The following MALRD1 variants were observed in gnomAD, a reference collection of about 807,000 sequenced individuals.
MALRD1 encodes the protein MAM and LDL receptor class A domain containing 1.
A neutral mutation model predicts 242.1 loss-of-function variants in MALRD1; 247 were observed. The ratio of observed to expected loss-of-function variants is 1.02; its 90% confidence interval spans 0.92 to 1.13. MALRD1 has a LOEUF of 1.13. MALRD1 is among the 50% of genes most tolerant of loss of function. The probability of loss-of-function intolerance (pLI) is 0.00; values close to 1 mark genes in which losing one functional copy is unlikely to be tolerated. For synonymous variants in MALRD1, 995 were observed against 866.6 expected (o/e 1.15, Z -2.60); for missense variants, 2,989 against 2,533.1 (o/e 1.18, Z -3.86).
intron 34 of MALRD1, among the ~76,000 whole-genome samples, chr10:19,602,147 C>T (rs1195291883): frequency 1.6e-5 from 2 of 128,604 alleles, no homozygotes; most frequent in South Asian, 2.4e-4. Flanking sequence ...CTATCAGTGC[C>T]AATTTTCTTT....
At chr10:19,279,985 T>G in intron 19 of MALRD1, 62 bp from the exon 20 acceptor site, 1 of 1,303,172 alleles carries the variant, frequency 7.7e-7, no homozygotes, top group Non-Finnish European at 1.0e-6. Flanking sequence ...GTGTAAAATC[T>G]CTAAAGCAGT....
intron 29 of MALRD1, among the ~76,000 whole-genome samples, chr10:19,451,764 A>T (rs12355137): frequency 0.22 from 33,604 of 152,156 alleles, 4,442 homozygotes; most frequent in South Asian, 0.36. Context: ...GATTCTACTT[A>T]GAAATACATT....
At chr10:19,341,240 T>C (rs1843836127) in intron 24 of MALRD1, among the ~76,000 whole-genome samples, 1 of 151,750 alleles carries the variant, frequency 6.6e-6, no homozygotes, top group Non-Finnish European at 1.5e-5. Flanking sequence ...ATATAACTTA[T>C]TGAAGGTTTT....
chr10:19,729,116 A>G (rs1167909255), intron 38 of MALRD1, among the ~76,000 whole-genome samples: 1 of 152,200 alleles, frequency 6.6e-6, no homozygotes, highest in Non-Finnish European at 1.5e-5. Flanking sequence ...GCCAGTGGAG[A>G]TCAGGAAGCT....
intron 29 of MALRD1, chr10:19,488,834 A>G: frequency 2.9e-6 from 1 of 345,708 alleles, no homozygotes. Flanking sequence ...CCATGCAAAG[A>G]AGTCAAATGT....
At chr10:19,723,579 A>G (rs1485235513) in intron 38 of MALRD1, among the ~76,000 whole-genome samples, 1 of 152,002 alleles carries the variant, frequency 6.6e-6, no homozygotes, top group Non-Finnish European at 1.5e-5. Context: ...CATCTCTACA[A>G]AAAATTAAAA....
intron 29 of MALRD1, among the ~76,000 whole-genome samples, chr10:19,451,990 A>G (rs3852452): frequency 0.23 from 34,492 of 152,092 alleles, 4,216 homozygotes; most frequent in Middle Eastern, 0.33. Context: ...TTGCACATGT[A>G]TTTGTGTAAA....
At chr10:19,295,390 T>C (rs1341359239) in intron 21 of MALRD1, among the ~76,000 whole-genome samples, 1 of 151,948 alleles carries the variant, frequency 6.6e-6, no homozygotes, top group Non-Finnish European at 1.5e-5. Flanking sequence ...AGTATCCAAT[T>C]GTATATATAT....
At chr10:19,526,056 C>T (rs144690267) in intron 31 of MALRD1, among the ~76,000 whole-genome samples, 2 of 152,030 alleles carry the variant, frequency 1.3e-5, no homozygotes, top group South Asian at 4.1e-4. Flanking sequence ...GCAGTTCAGA[C>T]ATTTCAGCTT....
At chr10:19,485,575 G>A (rs952938918) in intron 29 of MALRD1, among the ~76,000 whole-genome samples, 11 of 151,498 alleles carry the variant, frequency 7.3e-5, no homozygotes, top group African/African-American at 1.5e-4. Context: ...CCAAGGAGGC[G>A]GACCTTGCAG....
intron 19 of MALRD1, among the ~76,000 whole-genome samples, chr10:19,264,503 G>A (rs1355719306): frequency 4.1e-5 from 6 of 146,704 alleles, no homozygotes; most frequent in Non-Finnish European, 8.9e-5. Flanking sequence ...GCCCAGGCTA[G>A]AGTGCAGTGG....
chr10:19,523,794 C>A (rs770124038), intron 31 of MALRD1, among the ~76,000 whole-genome samples: 1 of 151,542 alleles, frequency 6.6e-6, no homozygotes, highest in Non-Finnish European at 1.5e-5. Context: ...CAACCAGAAG[C>A]TTCATTTTTG....
chr10:19,556,471 A>C (rs73595841), intron 32 of MALRD1, among the ~76,000 whole-genome samples: 313 of 152,006 alleles, frequency 2.1e-3, no homozygotes, highest in African/African-American at 7.3e-3. Context: ...TACTGTCTCC[A>C]TAGTTTTACC....
intron 32 of MALRD1, among the ~76,000 whole-genome samples, chr10:19,558,206 C>G (rs1174627873): frequency 6.6e-6 from 1 of 151,936 alleles, no homozygotes; most frequent in Non-Finnish European, 1.5e-5. Context: ...AGTTTTATTT[C>G]TTTCTCAATT....
At chr10:19,711,384 A>G (rs1834106117) in intron 38 of MALRD1, 1 of 152,202 alleles carries the variant, frequency 6.6e-6, no homozygotes, top group Non-Finnish European at 1.5e-5. Flanking sequence ...TTTGCTAGTC[A>G]CTGTGTTAGG....
intron 18 of MALRD1, among the ~76,000 whole-genome samples, chr10:19,226,539 T>A (rs930860472): frequency 2.6e-5 from 4 of 152,142 alleles, no homozygotes; most frequent in Admixed American, 1.3e-4. Context: ...ATAATTCTCC[T>A]GATATTGATC....
intron 36 of MALRD1, among the ~76,000 whole-genome samples, chr10:19,664,363 C>T (rs1841578980): frequency 6.6e-6 from 1 of 151,980 alleles, no homozygotes; most frequent in Non-Finnish European, 1.5e-5. Context: ...ATCTAATCAT[C>T]AGAATAATCA....
At chr10:19,077,334 C>A (rs550149904) in intron 2 of MALRD1, among the ~76,000 whole-genome samples, 1 of 151,952 alleles carries the variant, frequency 6.6e-6, no homozygotes, top group Admixed American at 6.6e-5. Context: ...TGTCACAAAC[C>A]AGTGTGTTTA....
intron 26 of MALRD1, 115 bp downstream of exon 26, chr10:19,352,412 G>A (rs1171421048): frequency 3.2e-6 from 3 of 945,076 alleles, no homozygotes; most frequent in Non-Finnish European, 4.6e-6. Flanking sequence ...CTTTCATAAA[G>A]AAAATATAAG....
Sources: allele counts gnomAD v4.1 joint callset (sites outside exome capture counted in the v4.1 genomes callset), GRCh38; gene constraint gnomAD v4.1.1; transcripts MANE v1.5; gene names NCBI Gene and HGNC (gene_info 2026-07-23, HGNC 2026-07-21).